Variants in SIN3A observed in about 807,000 individuals in gnomAD.
SIN3A encodes the protein SIN3 transcription regulator family member A.
A neutral mutation model predicts 146.1 loss-of-function variants in SIN3A; 14 were observed. The observed-to-expected ratio is 0.10, with a 90% CI of 0.06 to 0.15. SIN3A has a LOEUF of 0.15. Ranked by LOEUF, SIN3A falls within the 10% of genes least tolerant of loss-of-function variation. The probability of loss-of-function intolerance (pLI) is 1.00; values close to 1 mark genes in which losing one functional copy is unlikely to be tolerated. For synonymous variants in SIN3A, 572 were observed against 572.0 expected, an observed-to-expected ratio of 1.00 and a Z score of 0.00; for missense variants, 1,028 against 1,576.0, an observed-to-expected ratio of 0.65 and a Z score of 5.89.
At chr15:75,433,758 G>A (rs931442416) in intron 1 of SIN3A, among the ~76,000 whole-genome samples, 2 of 151,964 alleles carry the variant, frequency 1.3e-5, no homozygotes, top group Non-Finnish European at 2.9e-5. Flanking sequence ...GCAGTGAGCC[G>A]AGATCATGCC....
intron 1 of SIN3A, among the ~76,000 whole-genome samples, chr15:75,450,243 AACTTTC>A (rs2074378269): frequency 2.0e-5 from 3 of 152,130 alleles, no homozygotes; most frequent in Non-Finnish European, 4.4e-5. Flanking sequence ...TGTAAATCCA[AACTTTC>A]CTGTTATAAA....
chr15:75,455,257 C>G (rs930875230), upstream of SIN3A, among the ~76,000 whole-genome samples: 7 of 152,146 alleles, frequency 4.6e-5, no homozygotes, highest in African/African-American at 1.7e-4. Context: ...CTCCAGCTCT[C>G]GAGCAACTCC....
chr15:75,396,706 T>C (rs1030248526), intron 12 of SIN3A, among the ~76,000 whole-genome samples: 1 of 152,170 alleles, frequency 6.6e-6, no homozygotes, highest in African/African-American at 2.4e-5. Flanking sequence ...AATGATACAA[T>C]CCACATAAAG....
intron 20 of SIN3A, among the ~76,000 whole-genome samples, chr15:75,374,529 A>G (rs528194249): frequency 2.6e-5 from 4 of 152,254 alleles, no homozygotes; most frequent in African/African-American, 9.6e-5. Flanking sequence ...ACCCATCTCC[A>G]CTGTCCTCAC....
chr15:75,379,309 A>G (rs2072922320), intron 19 of SIN3A, among the ~76,000 whole-genome samples: 1 of 152,200 alleles, frequency 6.6e-6, no homozygotes, highest in African/African-American at 2.4e-5. Flanking sequence ...TTTTTGGAGT[A>G]CTCATGCTCT....
At chr15:75,376,103 A>G (rs2072850551) in intron 19 of SIN3A, 3 of 573,472 alleles carry the variant, frequency 5.2e-6, no homozygotes, top group Non-Finnish European at 9.3e-6. Flanking sequence ...AGATGTAGCC[A>G]GTTAAGAGTT....
At chr15:75,374,007 ACT>A (rs1477065193) in intron 20 of SIN3A, among the ~76,000 whole-genome samples, 1 of 152,160 alleles carries the variant, frequency 6.6e-6, no homozygotes, top group Non-Finnish European at 1.5e-5. Flanking sequence ...GTCCTTTCAA[ACT>A]TAAAACAGCA....
intron 3 of SIN3A, among the ~76,000 whole-genome samples, chr15:75,418,982 C>A (rs536136808): frequency 6.6e-6 from 1 of 152,002 alleles, no homozygotes; most frequent in Admixed American, 6.6e-5. Context: ...TGGTCTCGAT[C>A]TCCTGACCTC....
Position 75,413,144 on chromosome 15 carries a change from A to C in SIN3A, c.474-99T>G, listed in dbSNP as rs556331805. 4.9e-6 allele frequency: 6 copies of C among 1,226,930 alleles called. No individual in the cohort carries two copies. The East Asian group carries it at 1.6e-4, about 33-fold the overall frequency. The allele number at this position is 1,226,930 out of a possible 1,614,324, so 76.0% of individuals were successfully genotyped here. On this transcript the variant is annotated intron_variant, in intron 4 of 20. Transcript: ENST00000394947. ...TTTTTTTCTTTTGAGACGGAGTCTCACTCTGTTGCCCAGGCTGGACTGCAA... is the reference window on the plus strand; with the variant it reads ...TTTTTTTCTTTTGAGACGGAGTCTCCCTCTGTTGCCCAGGCTGGACTGCAA...
At chr15:75,403,702 A>T (rs1427922013) in intron 9 of SIN3A, among the ~76,000 whole-genome samples, 1 of 151,820 alleles carries the variant, frequency 6.6e-6, no homozygotes, top group African/African-American at 2.4e-5. Context: ...CACAACGCCC[A>T]GCTAATGTTT....
intron 1 of SIN3A, among the ~76,000 whole-genome samples, chr15:75,435,609 A>T (rs2074093244): frequency 6.6e-6 from 1 of 151,804 alleles, no homozygotes; most frequent in Admixed American, 6.6e-5. Context: ...GAGGCAGGAG[A>T]ATCACTCGAA....
intron 1 of SIN3A, among the ~76,000 whole-genome samples, chr15:75,441,780 C>G (rs1431450782): frequency 1.3e-5 from 2 of 151,994 alleles, no homozygotes; most frequent in Admixed American, 1.3e-4. Context: ...CTTCTTTGCT[C>G]CATAATCATA....
At chr15:75,452,825 G>A (rs1567445142), upstream of SIN3A, 1 of 152,336 alleles carries the variant, frequency 6.6e-6, no homozygotes, top group Non-Finnish European at 1.5e-5. Context: ...GCCACACTCA[G>A]AGAATGGATA....
In SIN3A at chr15:75,384,313, G is replaced by A. The variant is rs772526843; in HGVS notation, c.3146C>T (p.Thr1049Met). ...TQNSRSLLES[T>M]YQRKAEQLMS... is the part of the protein sequence containing the mutation. ...TAGCTGCTCAGCTTTCCGCTGATAC[G>A]TTGACTCCAGGAGGCTCCTTGAGTT... The change falls in exon 17 of 21, where the codon ACG (threonine) becomes ATG (methionine). Residue 1049 changes from threonine (T) to methionine (M), a missense_variant. Coordinates refer to ENST00000394947, the MANE Select transcript of SIN3A (RefSeq NM_001145358.2). 9 of 1,612,806 alleles carry A rather than the reference G, an allele frequency of 5.6e-6. No homozygotes were observed. Among genetic ancestry groups the A allele is most frequent in the Admixed American group, 1.7e-5 (1 of 59,872 alleles).
intron 7 of SIN3A, 36 bp downstream of exon 7, chr15:75,410,098 A>G (rs1400443816): frequency 6.2e-7 from 1 of 1,607,464 alleles, no homozygotes; most frequent in African/African-American, 1.3e-5. Flanking sequence ...TAAGATAATA[A>G]TAGTAAATAG....
intron 3 of SIN3A, chr15:75,419,532 G>C (rs1318965771): frequency 1.3e-5 from 2 of 151,970 alleles, no homozygotes; most frequent in African/African-American, 2.4e-5. Flanking sequence ...TTAAAAATTA[G>C]TTATAGGCCA....
At chr15:75,426,067 G>T (rs1004803048) in intron 2 of SIN3A, among the ~76,000 whole-genome samples, 1 of 152,084 alleles carries the variant, frequency 6.6e-6, no homozygotes, top group Non-Finnish European at 1.5e-5. Context: ...TTTTTTACAG[G>T]GTTTACAGGC....
At chr15:75,431,789 C>G (rs1176348029) in intron 1 of SIN3A, among the ~76,000 whole-genome samples, 1 of 152,208 alleles carries the variant, frequency 6.6e-6, no homozygotes, top group Non-Finnish European at 1.5e-5. Flanking sequence ...TTTGTCCTCA[C>G]TATAGTCCTC....
intron 1 of SIN3A, among the ~76,000 whole-genome samples, chr15:75,441,114 C>T (rs933653490): frequency 7.9e-5 from 12 of 151,910 alleles, no homozygotes; most frequent in African/African-American, 2.9e-4. Context: ...TCAAGACCAG[C>T]CTAGCCAACA....
Sources: allele counts gnomAD v4.1 joint callset (sites outside exome capture counted in the v4.1 genomes callset), GRCh38; gene constraint gnomAD v4.1.1; transcripts MANE v1.5; gene names NCBI Gene and HGNC (gene_info 2026-07-23, HGNC 2026-07-21).